ACOXL: variants seen among roughly 807,000 people sequenced by gnomAD.
ACOXL encodes acyl-CoA oxidase like.
In ACOXL, 70 loss-of-function variants were observed where a neutral mutation model predicts 71.9. That is an observed-to-expected ratio of 0.97 (90% CI 0.80 to 1.19). The LOEUF (loss-of-function observed/expected upper bound fraction) is 1.19. ACOXL is among the 50% of genes most tolerant of loss of function. The pLI, the probability that ACOXL is intolerant of heterozygous loss-of-function variation, is 0.00. For synonymous variants in ACOXL, 253 were observed against 281.6 expected, an observed-to-expected ratio of 0.90 and a Z score of 1.02; for missense variants, 703 against 736.3, an observed-to-expected ratio of 0.95 and a Z score of 0.52.
At chr2:110,792,868 C>T (rs1256902473) in intron 3 of ACOXL, among the ~76,000 whole-genome samples, 1 of 152,180 alleles carries the variant, frequency 6.6e-6, no homozygotes, top group Non-Finnish European at 1.5e-5. Flanking sequence ...CTCACTGAAT[C>T]CTCATGGTCA....
intron 6 of ACOXL, 63 bp downstream of exon 6, chr2:110,798,787 A>C: frequency 6.9e-7 from 1 of 1,455,038 alleles, no homozygotes; most frequent in Non-Finnish European, 9.6e-7. Flanking sequence ...CCAGTGAAAA[A>C]CCATTTCACA....
intron 9 of ACOXL, among the ~76,000 whole-genome samples, chr2:110,816,064 G>A (rs1686519215): frequency 6.6e-6 from 1 of 152,112 alleles, no homozygotes. Context: ...TGGATGGGTA[G>A]ATGAATAGAT....
At chr2:110,763,728 T>C (rs752520818) in intron 1 of ACOXL, among the ~76,000 whole-genome samples, 2 of 152,188 alleles carry the variant, frequency 1.3e-5, no homozygotes, top group Non-Finnish European at 1.5e-5. Flanking sequence ...GCTCTGTGAA[T>C]GTCAAAAGGA....
chr2:110,819,597 A>G (rs907404818), intron 9 of ACOXL, among the ~76,000 whole-genome samples: 1 of 152,210 alleles, frequency 6.6e-6, no homozygotes, highest in African/African-American at 2.4e-5. Context: ...TCATAGCTTC[A>G]TGGAAGCGAA....
intron 10 of ACOXL, among the ~76,000 whole-genome samples, chr2:110,908,189 T>A (rs1402227298): frequency 6.6e-6 from 1 of 152,204 alleles, no homozygotes; most frequent in Non-Finnish European, 1.5e-5. Context: ...TAAAAATTGT[T>A]CCAAGGAAAG....
intron 11 of ACOXL, among the ~76,000 whole-genome samples, chr2:110,924,615 C>T (rs1183243567): frequency 6.6e-6 from 1 of 152,084 alleles, no homozygotes; most frequent in Non-Finnish European, 1.5e-5. Flanking sequence ...GAGATTGCAG[C>T]AATTCAGTCA....
intron 14 of ACOXL, among the ~76,000 whole-genome samples, chr2:111,012,150 A>G (rs1291420007): frequency 6.6e-6 from 1 of 152,192 alleles, no homozygotes; most frequent in Admixed American, 6.5e-5. Flanking sequence ...CATACTGCAG[A>G]TGTTGTGTTT....
At chr2:110,782,132 C>T (rs1683414678) in intron 2 of ACOXL, among the ~76,000 whole-genome samples, 1 of 152,124 alleles carries the variant, frequency 6.6e-6, no homozygotes, top group Admixed American at 6.6e-5. Context: ...CATGCTACTA[C>T]GGAGATTGAA....
intron 12 of ACOXL, among the ~76,000 whole-genome samples, chr2:110,948,609 G>A (rs973935767): frequency 1.3e-5 from 2 of 150,336 alleles, no homozygotes; most frequent in Non-Finnish European, 3.0e-5. Context: ...GTGGCTTCTG[G>A]TTTCTGTGGG....
At chr2:110,928,552 A>T (rs1028428810) in intron 11 of ACOXL, among the ~76,000 whole-genome samples, 1 of 152,220 alleles carries the variant, frequency 6.6e-6, no homozygotes, top group African/African-American at 2.4e-5. Context: ...CTTATTGCCA[A>T]AAAGTCTTGT....
chr2:110,736,900 G>A (rs1676925865), intron 1 of ACOXL, among the ~76,000 whole-genome samples: 1 of 152,184 alleles, frequency 6.6e-6, no homozygotes, highest in African/African-American at 2.4e-5. Flanking sequence ...GATTACAGGC[G>A]TGAGTCACTG....
chr2:110,798,736 A>G lies in ACOXL; in HGVS notation c.460+12A>G. The G allele has an allele frequency of 6.2e-7, 1 of 1,605,826 alleles. No individual in the cohort carries two copies. Among genetic ancestry groups the G allele is most frequent in the Non-Finnish European group, 8.5e-7 (1 of 1,172,422 alleles). Reference sequence around the variant, plus strand: ...TGGAAGATCTCAAGGTTTGTTACCAATACAGACAACTAGAATAATTCTCTT... The same window carrying G: ...TGGAAGATCTCAAGGTTTGTTACCAGTACAGACAACTAGAATAATTCTCTT... On this transcript the variant is annotated intron_variant, in intron 6 of 17. Coordinates refer to ENST00000439055, the MANE Select transcript of ACOXL (RefSeq NM_001142807.4).
In ACOXL at chr2:111,030,046, TA is replaced by T. The variant is rs537649118; in HGVS notation, c.1282-1570del. Among the ~76,000 whole-genome samples the T allele has an allele frequency of 4.5e-3, 653 of 146,346 alleles. 2 individuals are homozygous for T. Among genetic ancestry groups the T allele is most frequent in the Middle Eastern group, 0.021 (6 of 290 alleles). ...AAAAACTTACTCTACACATTGAGTT[TA>T]AAAAAAAAAAGCAATTAAAAAGTGC... On this transcript the variant is annotated intron_variant, in intron 14 of 17. Transcript: ENST00000439055.
At chr2:111,098,871 C>G (rs537727876) in intron 17 of ACOXL, 1 of 152,332 alleles carries the variant, frequency 6.6e-6, no homozygotes, top group East Asian at 1.9e-4. Context: ...ACGCTCCAGT[C>G]TGATGGAAAT....
rs992856288 is a variant in ACOXL at position 110,792,633 on chromosome 2, T to TA, written c.160-1009dup. On this transcript the variant is annotated intron_variant, in intron 3 of 17. Transcript: ENST00000439055. The stretch of plus-strand genomic sequence containing the variant: ...AGCAAGACCTCATCTCTACTAAAAA[T>TA]AAAAAAAACTTAGCCAGGTGTGGTA... Among the ~76,000 whole-genome samples, 5 of 151,722 alleles carry TA rather than the reference T, an allele frequency of 3.3e-5. 1 individual carries two copies.
intron 12 of ACOXL, among the ~76,000 whole-genome samples, chr2:110,981,209 A>C (rs1020905453): frequency 6.6e-6 from 1 of 152,132 alleles, no homozygotes; most frequent in African/African-American, 2.4e-5. Flanking sequence ...CTAAAATACA[A>C]AAATTAGGTG....
intron 5 of ACOXL, among the ~76,000 whole-genome samples, chr2:110,794,694 G>A (rs73956458): frequency 0.014 from 2,111 of 152,240 alleles, 51 homozygotes; most frequent in African/African-American, 0.048. Flanking sequence ...GTCACCAAAC[G>A]GTCTGACTCT....
At chr2:110,790,137 T>C (rs2105227938) in intron 3 of ACOXL, among the ~76,000 whole-genome samples, 1 of 152,330 alleles carries the variant, frequency 6.6e-6, no homozygotes, top group South Asian at 2.1e-4. Context: ...GTGCCAAACC[T>C]GGCAGGTAGC....
intron 17 of ACOXL, chr2:111,093,461 C>T (rs1223792396): frequency 6.2e-7 from 1 of 1,613,814 alleles, no homozygotes; most frequent in East Asian, 2.2e-5. Context: ...CAGTAAAACA[C>T]ATTTCTGATT....
Sources: allele counts gnomAD v4.1 joint callset (sites outside exome capture counted in the v4.1 genomes callset), GRCh38; gene constraint gnomAD v4.1.1; transcripts MANE v1.5; gene names NCBI Gene and HGNC (gene_info 2026-07-23, HGNC 2026-07-21).